CSMD1: variants seen among roughly 807,000 people sequenced by gnomAD.
CSMD1 encodes the protein CUB and Sushi multiple domains 1, also known as CUB and sushi domain-containing protein 1.
In CSMD1, 213 loss-of-function variants were observed where a neutral mutation model predicts 417.5. The observed-to-expected ratio is 0.51, with a 90% CI of 0.46 to 0.57. The LOEUF (loss-of-function observed/expected upper bound fraction) is 0.57, where lower values mean the gene tolerates loss of function less well. CSMD1 is among the 20% of genes least tolerant of loss of function. CSMD1 has a pLI of 0.00. For synonymous variants in CSMD1, 2,862 were observed against 1,736.8 expected (o/e 1.65, Z -16.11); for missense variants, 6,923 against 4,529.7 (o/e 1.53, Z -15.17).
At chr8:4,953,189 T>C (rs866338331) in intron 1 of CSMD1, among the ~76,000 whole-genome samples, 77 of 152,324 alleles carry the variant, frequency 5.1e-4, no homozygotes, top group African/African-American at 1.7e-3. Flanking sequence ...GTAGCACTCA[T>C]TGTAGGAGGA....
In CSMD1 at chr8:4,420,554, G is replaced by C. The variant is rs145910733; in HGVS notation, c.303-489C>G. On this transcript the variant is annotated intron_variant, in intron 2 of 69. Transcript: ENST00000635120. The stretch of plus-strand genomic sequence containing the variant: ...TTAATTTTTTTCTAATAAAAAATAT[G>C]ACAGGTAAAGCATGTGAATGTGTGT... 2.2e-3 allele frequency among the ~76,000 whole-genome samples: 328 copies of C among 152,148 alleles called. 1 individual carries two copies. Among genetic ancestry groups the C allele is most frequent in the African/African-American group, 7.6e-3 (316 of 41,502 alleles).
At chr8:4,190,866 C>T (rs996210586) in intron 3 of CSMD1, among the ~76,000 whole-genome samples, 1 of 151,442 alleles carries the variant, frequency 6.6e-6, no homozygotes, top group Admixed American at 6.6e-5. Context: ...CCAAATACCA[C>T]ATGATCTGAC....
At chr8:4,896,093 AT>A (rs1457737888) in intron 1 of CSMD1, among the ~76,000 whole-genome samples, 5 of 151,812 alleles carry the variant, frequency 3.3e-5, no homozygotes, top group African/African-American at 9.7e-5. Context: ...CTGTCTGAAA[AT>A]TTTTTTCTGC....
At chr8:4,382,446 TG>T (rs766296092) in intron 3 of CSMD1, among the ~76,000 whole-genome samples, 2 of 152,182 alleles carry the variant, frequency 1.3e-5, no homozygotes, top group African/African-American at 4.8e-5. Context: ...AGTCTGGCCT[TG>T]TTACTTTATA....
At chr8:3,441,248 G>C (rs1449667894) in intron 12 of CSMD1, among the ~76,000 whole-genome samples, 1 of 152,010 alleles carries the variant, frequency 6.6e-6, no homozygotes, top group Non-Finnish European at 1.5e-5. Context: ...TGGACTTGTG[G>C]CCTCCAGAGC....
rs1374382477 is a variant in CSMD1, at chr8:3,741,015, G to C, written c.931+12915C>G. ...GGATCACCTCAGGTCAGGATTTCCA[G>C]ACCAGCCTGGCCAACATGGTCAAAC... On this transcript the variant is annotated intron_variant, in intron 6 of 69. Coordinates refer to ENST00000635120, the MANE Select transcript of CSMD1 (RefSeq NM_033225.6). Among the ~76,000 whole-genome samples the C allele has an allele frequency of 8.6e-5, 13 of 151,968 alleles. 1 individual carries two copies. The highest frequency in any genetic ancestry group is 1.9e-4 in the Non-Finnish European group (13 of 68,006).
intron 5 of CSMD1, among the ~76,000 whole-genome samples, chr8:3,806,507 A>C (rs926496742): frequency 1.3e-5 from 2 of 152,178 alleles, no homozygotes; most frequent in African/African-American, 4.8e-5. Context: ...ACACAGAGCC[A>C]CGGTGCTCTG....
At chr8:4,066,193 G>T (rs902087410) in intron 3 of CSMD1, among the ~76,000 whole-genome samples, 1 of 152,100 alleles carries the variant, frequency 6.6e-6, no homozygotes, top group Non-Finnish European at 1.5e-5. Flanking sequence ...CTCTCCTTAG[G>T]GACTGTTTCA....
At chr8:3,889,700 C>A (rs529268304) in intron 5 of CSMD1, among the ~76,000 whole-genome samples, 35 of 151,402 alleles carry the variant, frequency 2.3e-4, no homozygotes, top group Non-Finnish European at 3.5e-4. Context: ...ACCTGGACTT[C>A]CTATAAATTG....
intron 2 of CSMD1, among the ~76,000 whole-genome samples, chr8:4,479,396 G>A (rs959895237): frequency 1.3e-5 from 2 of 151,652 alleles, no homozygotes; most frequent in Non-Finnish European, 2.9e-5. Flanking sequence ...AGCAGGTAGA[G>A]CTTTCACTTC....
chr8:3,671,446 C>T (rs1394304167), intron 7 of CSMD1, among the ~76,000 whole-genome samples: 1 of 141,916 alleles, frequency 7.0e-6, no homozygotes, highest in African/African-American at 2.6e-5. Context: ...CACATATAAT[C>T]ATATATATAA....
intron 5 of CSMD1, among the ~76,000 whole-genome samples, chr8:3,851,593 G>A (rs1189198344): frequency 6.6e-6 from 1 of 152,190 alleles, no homozygotes; most frequent in African/African-American, 2.4e-5. Flanking sequence ...GGAGGGCAGG[G>A]TTGTCTCTAC....
chr8:3,714,154 TTAA>T (rs1358668309), intron 6 of CSMD1, among the ~76,000 whole-genome samples: 5 of 150,114 alleles, frequency 3.3e-5, no homozygotes, highest in African/African-American at 4.9e-5. Flanking sequence ...ATTTAGAAAG[TTAA>T]TAACATATTA....
At chr8:4,256,432 G>C (rs537411452) in intron 3 of CSMD1, among the ~76,000 whole-genome samples, 1 of 152,166 alleles carries the variant, frequency 6.6e-6, no homozygotes. Flanking sequence ...ACAGAATTGT[G>C]AAGATTAAAA....
At chr8:3,520,039 T>TATATATATAC (rs545212684) in intron 10 of CSMD1, among the ~76,000 whole-genome samples, 1,526 of 147,130 alleles carry the variant, frequency 0.01, 23 homozygotes, top group East Asian at 0.033. Flanking sequence ...TATATATATA[T>TATATATATAC]ACACGTATAG....
intron 5 of CSMD1, among the ~76,000 whole-genome samples, chr8:3,899,544 AGG>A: frequency 6.6e-6 from 1 of 152,286 alleles, no homozygotes; most frequent in South Asian, 2.1e-4. Context: ...AAAACATCTA[AGG>A]ACATTAAAAA....
intron 2 of CSMD1, among the ~76,000 whole-genome samples, chr8:4,608,000 A>G (rs1159359137): frequency 6.6e-6 from 1 of 152,096 alleles, no homozygotes; most frequent in Non-Finnish European, 1.5e-5. Context: ...TGGTCAGAGA[A>G]GGCATCAGGG....
At chr8:4,858,602 G>C (rs1319078445) in intron 1 of CSMD1, among the ~76,000 whole-genome samples, 3 of 152,044 alleles carry the variant, frequency 2.0e-5, no homozygotes, top group Non-Finnish European at 2.9e-5. Context: ...AAAATCACAA[G>C]CATTCTTATA....
chr8:4,103,709 G>C (rs1299143617), intron 3 of CSMD1, among the ~76,000 whole-genome samples: 4 of 152,082 alleles, frequency 2.6e-5, no homozygotes, highest in Non-Finnish European at 4.4e-5. Context: ...TAAAACCCAT[G>C]ATAAGAGTTC....
Sources: allele counts gnomAD v4.1 joint callset (sites outside exome capture counted in the v4.1 genomes callset), GRCh38; gene constraint gnomAD v4.1.1; transcripts MANE v1.5; gene names NCBI Gene and HGNC (gene_info 2026-07-23, HGNC 2026-07-21).